Variants in GAS7 observed in about 807,000 individuals in gnomAD.
GAS7 encodes the protein growth arrest specific 7, also known as growth arrest-specific protein 7.
In GAS7, 28 loss-of-function variants were observed where a neutral mutation model predicts 71.1. The observed-to-expected ratio is 0.39, with a 90% CI of 0.29 to 0.54. The LOEUF (loss-of-function observed/expected upper bound fraction) is 0.54. GAS7 is among the 20% of genes least tolerant of loss of function. GAS7 has a pLI of 0.62. For missense variants in GAS7, 436 were observed against 627.8 expected (o/e 0.69, Z 3.27); for synonymous variants, 258 against 245.8 (o/e 1.05, Z -0.46).
intron 1 of GAS7, among the ~76,000 whole-genome samples, chr17:10,132,440 C>G (rs1225881143): frequency 6.6e-6 from 1 of 152,194 alleles, no homozygotes; most frequent in African/African-American, 2.4e-5. Flanking sequence ...TGTGGTATCA[C>G]ATTTAAAGAA....
At chr17:9,927,290 T>TACACACACATACACACAC (rs1555589672) in intron 9 of GAS7, among the ~76,000 whole-genome samples, 3 of 116,940 alleles carry the variant, frequency 2.6e-5, no homozygotes, top group African/African-American at 1.0e-4. Flanking sequence ...CTCTACTACA[T>TACACACACATACACACAC]ACACACACAC....
chr17:10,188,658 A>C (rs1441711623), intron 1 of GAS7, among the ~76,000 whole-genome samples: 2 of 152,132 alleles, frequency 1.3e-5, no homozygotes, highest in Non-Finnish European at 2.9e-5. Context: ...TTGTTTTAAG[A>C]GACAGAGTCT....
chr17:10,023,383 G>C (rs1258130477), intron 1 of GAS7, among the ~76,000 whole-genome samples: 1 of 152,106 alleles, frequency 6.6e-6, no homozygotes, highest in Non-Finnish European at 1.5e-5. Flanking sequence ...ACAAAAATTG[G>C]TACATGGATG....
chr17:10,074,308 G>A (rs2073370031), intron 1 of GAS7, among the ~76,000 whole-genome samples: 1 of 152,052 alleles, frequency 6.6e-6, no homozygotes, highest in South Asian at 2.1e-4. Context: ...CACAAACTTT[G>A]CATTTATAGA....
Position 10,126,615 on chromosome 17 carries a change from GAC to G in GAS7, c.183+71591_183+71592del, listed in dbSNP as rs563511887. Among the ~76,000 whole-genome samples the G allele has an allele frequency of 2.5e-3, 379 of 151,556 alleles. 3 individuals carry two copies. Among genetic ancestry groups the G allele is most frequent in the African/African-American group, 8.7e-3 (359 of 41,270 alleles). ...ACACACACACGCTCACACACATGCAGACACACTCACACACTCGCGCACACACA... is the reference window on the plus strand; with the variant it reads ...ACACACACACGCTCACACACATGCAGACACTCACACACTCGCGCACACACA... On this transcript the variant is annotated intron_variant, in intron 1 of 13. Coordinates refer to ENST00000432992, the MANE Select transcript of GAS7 (RefSeq NM_201433.2).
intron 1 of GAS7, among the ~76,000 whole-genome samples, chr17:10,025,706 T>A (rs1194688721): frequency 1.3e-5 from 2 of 151,996 alleles, no homozygotes; most frequent in African/African-American, 4.8e-5. Context: ...TCACCTGGGA[T>A]GTGAGTTCAA....
chr17:9,953,013 A>G (rs1476469011), intron 5 of GAS7, among the ~76,000 whole-genome samples: 2 of 152,128 alleles, frequency 1.3e-5, no homozygotes, highest in African/African-American at 4.8e-5. Context: ...CCAAAGGAAT[A>G]TAAATCTTTC....
chr17:10,106,980 A>T (rs2073762925), intron 1 of GAS7, among the ~76,000 whole-genome samples: 1 of 152,182 alleles, frequency 6.6e-6, no homozygotes, highest in South Asian at 2.1e-4. Context: ...GGCTGATGCC[A>T]CAGTCCCACT....
chr17:10,026,377 C>A lies in GAS7; in HGVS notation c.184-6480G>T. The A allele has an allele frequency of 1.3e-6, 1 of 798,530 alleles. No homozygotes were observed. Among genetic ancestry groups the A allele is most frequent in the Non-Finnish European group, 1.5e-6 (1 of 659,170 alleles). The allele number at this position is 798,530 out of a possible 1,614,324, so 49.5% of individuals were successfully genotyped here. A position where few individuals can be genotyped will look rare whatever the true frequency, so the allele number is the denominator to read the frequency against. On this transcript the variant is annotated intron_variant, in intron 1 of 13. Transcript: ENST00000432992. This position sits in a 1 kb window ranked among gnomAD's most constrained non-coding sequence, Gnocchi z 4.5. ...ATATAACAGCTCTGAAGTTGTCAGC[C>A]TAACGAGCCACTTTCTGGCAGACCC...
intron 1 of GAS7, among the ~76,000 whole-genome samples, chr17:10,070,241 C>G (rs1362309175): frequency 1.3e-5 from 2 of 151,832 alleles, no homozygotes; most frequent in Non-Finnish European, 2.9e-5. Flanking sequence ...CTCATTTATT[C>G]GCCAACTTTT....
At chr17:9,937,232 T>A (rs1390771966) in intron 8 of GAS7, among the ~76,000 whole-genome samples, 1 of 152,196 alleles carries the variant, frequency 6.6e-6, no homozygotes, top group African/African-American at 2.4e-5. Flanking sequence ...TGTTTGTCTC[T>A]GTGTTTGTCC....
Position 9,943,153 on chromosome 17 carries a change from C to A in GAS7, c.699G>T (p.Met233Ile). Residue 233 changes from methionine (M) to isoleucine (I), a missense_variant, in exon 7 of 14, where the codon ATG becomes ATT. Transcript: ENST00000432992. ...GGATGAATTCTGACATTTCCTTCTG[C>A]ATTTGTTTGCCCTTCAGCTGTTTCT... ...LLQKQLKGKQMQKEMSEFIRE... is the reference protein window; with the variant it reads ...LLQKQLKGKQIQKEMSEFIRE... 6.2e-7 allele frequency: 1 copy of A among 1,612,734 alleles called. No homozygotes were observed. The highest frequency in any genetic ancestry group is 2.2e-5 in the East Asian group (1 of 44,886).
chr17:10,059,864 C>T (rs755541713), intron 1 of GAS7: 1 of 946,346 alleles, frequency 1.1e-6, no homozygotes, highest in Non-Finnish European at 1.3e-6. Flanking sequence ...TTGACGTTGC[C>T]GTGGCAACCA....
intron 1 of GAS7, among the ~76,000 whole-genome samples, chr17:10,133,422 C>G (rs2074014668): frequency 6.6e-6 from 1 of 151,954 alleles, no homozygotes; most frequent in African/African-American, 2.4e-5. Flanking sequence ...TGCGCCTCGC[C>G]AGATTTTATT....
At chr17:10,119,852 C>T (rs1439106196) in intron 1 of GAS7, among the ~76,000 whole-genome samples, 11 of 152,176 alleles carry the variant, frequency 7.2e-5, no homozygotes, top group African/African-American at 9.7e-5. Context: ...ACCTGCTGGG[C>T]GAGTTTGGTT....
At chr17:10,163,692 A>G (rs74805981) in intron 1 of GAS7, among the ~76,000 whole-genome samples, 1 of 152,096 alleles carries the variant, frequency 6.6e-6, no homozygotes, top group East Asian at 1.9e-4. Context: ...CTTGGTTCCA[A>G]TCCATCCTTG....
At chr17:10,168,086 TA>T (rs2074308830) in intron 1 of GAS7, among the ~76,000 whole-genome samples, 1 of 152,182 alleles carries the variant, frequency 6.6e-6, no homozygotes, top group Admixed American at 6.5e-5. Context: ...CAGCTGGGAT[TA>T]CAGGCTCAAT....
At chr17:10,126,288 A>G (rs1156725448) in intron 1 of GAS7, among the ~76,000 whole-genome samples, 1 of 152,170 alleles carries the variant, frequency 6.6e-6, no homozygotes, top group Non-Finnish European at 1.5e-5. Context: ...TGAGGGAAAG[A>G]GAAATCACAT....
At chr17:9,957,574 C>T (rs1202925936) in intron 5 of GAS7, among the ~76,000 whole-genome samples, 2 of 151,502 alleles carry the variant, frequency 1.3e-5, no homozygotes, top group African/African-American at 4.9e-5. Context: ...CCCACTCCGA[C>T]CTCCCCCCCT....
Sources: allele counts gnomAD v4.1 joint callset (sites outside exome capture counted in the v4.1 genomes callset), GRCh38; gene constraint gnomAD v4.1.1; non-coding constraint Gnocchi (gnomAD v3.1); transcripts MANE v1.5; gene names NCBI Gene and HGNC (gene_info 2026-07-23, HGNC 2026-07-21).